The following ARAP2 variants were observed in gnomAD, a reference collection of about 807,000 sequenced individuals.
ARAP2 encodes arf-GAP with Rho-GAP domain, ANK repeat and PH domain-containing protein 2.
A neutral mutation model predicts 194.5 loss-of-function variants in ARAP2; 148 were observed. The observed-to-expected ratio is 0.76, with a 90% CI of 0.67 to 0.87. The LOEUF (loss-of-function observed/expected upper bound fraction) is 0.87. Ranked by LOEUF, ARAP2 falls within the 40% of genes least tolerant of loss-of-function variation. ARAP2 has a pLI of 0.00. For synonymous variants in ARAP2, 695 were observed against 683.5 expected, an observed-to-expected ratio of 1.02 and a Z score of -0.26; for missense variants, 2,128 against 1,989.7, an observed-to-expected ratio of 1.07 and a Z score of -1.32.
chr4:36,103,088 T>G (rs1000562433), intron 27 of ARAP2, among the ~76,000 whole-genome samples: 6 of 151,816 alleles, frequency 4.0e-5, no homozygotes, highest in Non-Finnish European at 8.8e-5. Context: ...TGTCTTTTTT[T>G]TTAAGTTCAT....
At position 36,229,209 on chromosome 4, in the gene ARAP2, T is replaced by C; in HGVS notation, c.278A>G (p.Tyr93Cys). ...ATTCTGATCAGAAGATGGAACATGG[T>C]AATCCTTTGAAGGGTCATCATTCTT... ...TKKNDDPSKDYHVPSSDQNIC... is the reference protein window; with the variant it reads ...TKKNDDPSKDCHVPSSDQNIC... Residue 93 changes from tyrosine to cysteine, a missense_variant, in exon 2 of 33, where the codon TAC becomes TGC. Tyr to Cys is a radical substitution (Grantham distance 194). Transcript: ENST00000303965. 1 of 1,614,156 alleles carries C rather than the reference T, an allele frequency of 6.2e-7. No homozygotes were observed. Among genetic ancestry groups the C allele is most frequent in the Non-Finnish European group, 8.5e-7 (1 of 1,180,006 alleles).
At chr4:36,037,890 C>T (rs1222477649) in intron 5 of ARAP2, among the ~76,000 whole-genome samples, 1 of 152,168 alleles carries the variant, frequency 6.6e-6, no homozygotes, top group African/African-American at 2.4e-5. Flanking sequence ...AATCTTATTT[C>T]TCTGGTTTCC....
intron 2 of ARAP2, among the ~76,000 whole-genome samples, chr4:36,053,321 T>TAA (rs1385017627): frequency 1.4e-5 from 2 of 144,538 alleles, no homozygotes; most frequent in African/African-American, 2.5e-5. Flanking sequence ...CAGTTTTTTA[T>TAA]AAAAAAAAAA....
intron 2 of ARAP2, among the ~76,000 whole-genome samples, chr4:36,227,313 A>G (rs192560253): frequency 6.6e-5 from 10 of 152,300 alleles, no homozygotes; most frequent in African/African-American, 2.2e-4. Context: ...TTAATAGATG[A>G]CACTAGTTGT....
intron 5 of ARAP2, among the ~76,000 whole-genome samples, chr4:36,044,866 C>T (rs1721539976): frequency 6.6e-6 from 1 of 150,722 alleles, no homozygotes; most frequent in Non-Finnish European, 1.5e-5. Context: ...AATAACCCTG[C>T]TAAAAAAAAA....
intron 15 of ARAP2, among the ~76,000 whole-genome samples, chr4:36,156,334 A>AGG (rs528316474): frequency 1.7e-4 from 8 of 46,396 alleles, no homozygotes; most frequent in East Asian, 1.9e-3. Flanking sequence ...GGAGGGAGGG[A>AGG]GGGAAAGAGA....
At chr4:36,233,633 C>T (rs1293081852) in intron 1 of ARAP2, among the ~76,000 whole-genome samples, 2 of 152,186 alleles carry the variant, frequency 1.3e-5, no homozygotes, top group Non-Finnish European at 2.9e-5. Flanking sequence ...AGGCCCGTGC[C>T]CATGTCAATG....
intron 27 of ARAP2, among the ~76,000 whole-genome samples, chr4:36,097,866 C>G (rs1416571637): frequency 2.6e-5 from 4 of 151,992 alleles, no homozygotes. Context: ...ATTGAAAGGT[C>G]TTTAAAATTA....
chr4:36,116,798 G>A (rs768923989), intron 25 of ARAP2, among the ~76,000 whole-genome samples: 7 of 151,654 alleles, frequency 4.6e-5, no homozygotes, highest in East Asian at 1.9e-4. Flanking sequence ...CTAGGAAGGG[G>A]AGGAACAAGT....
At chr4:36,008,390 T>A (rs564147368) in intron 9 of ARAP2, among the ~76,000 whole-genome samples, 1 of 152,152 alleles carries the variant, frequency 6.6e-6, no homozygotes, top group East Asian at 1.9e-4. Context: ...TACAGCCACA[T>A]ACCTATAACC....
At position 36,094,810 on chromosome 4, in the gene ARAP2, T is replaced by C. The variant is rs181280757; in HGVS notation, c.4286-2790A>G. 3.4e-3 allele frequency among the ~76,000 whole-genome samples: 513 copies of C among 152,226 alleles called. 2 individuals are homozygous for C. Among genetic ancestry groups the C allele is most frequent in the Middle Eastern group, 0.014 (4 of 294 alleles). Reference sequence around the variant, plus strand: ...GCTCAGAACCACACTTTAGGTAAATTAATCACAATTAATATAATTTTATAG... The same window carrying C: ...GCTCAGAACCACACTTTAGGTAAATCAATCACAATTAATATAATTTTATAG... On this transcript the variant is annotated intron_variant, in intron 27 of 32. Transcript: ENST00000303965.
intron 20 of ARAP2, among the ~76,000 whole-genome samples, chr4:36,132,724 C>A (rs538265416): frequency 6.6e-6 from 1 of 151,828 alleles, no homozygotes; most frequent in South Asian, 2.1e-4. Context: ...TGAAAATGAG[C>A]ACAAATTGTG....
intron 27 of ARAP2, among the ~76,000 whole-genome samples, chr4:36,104,091 G>A (rs1717736936): frequency 6.6e-6 from 1 of 151,912 alleles, no homozygotes; most frequent in African/African-American, 2.4e-5. Context: ...CTAATGTGGG[G>A]GTGTAAGGTA....
intron 27 of ARAP2, among the ~76,000 whole-genome samples, chr4:36,099,427 A>C (rs1169489984): frequency 2.0e-5 from 3 of 152,114 alleles, no homozygotes; most frequent in Non-Finnish European, 1.5e-5. Context: ...TGACTACAAG[A>C]AATCCACAGA....
At chr4:36,057,514 G>C (rs1408537582) in intron 2 of ARAP2, among the ~76,000 whole-genome samples, 1 of 151,598 alleles carries the variant, frequency 6.6e-6, no homozygotes, top group East Asian at 1.9e-4. Flanking sequence ...TTTTAACAGT[G>C]TCTCACATAC....
chr4:36,100,444 G>C (rs1577880003), intron 27 of ARAP2, among the ~76,000 whole-genome samples: 1 of 151,826 alleles, frequency 6.6e-6, no homozygotes, highest in Non-Finnish European at 1.5e-5. Flanking sequence ...TGTACTCTAA[G>C]TGATGAAGGG....
intron 27 of ARAP2, among the ~76,000 whole-genome samples, chr4:36,105,541 G>C (rs1718162125): frequency 6.6e-6 from 1 of 151,916 alleles, no homozygotes; most frequent in Non-Finnish European, 1.5e-5. Context: ...TGGGATAGGT[G>C]GAACATCACG....
intron 2 of ARAP2, among the ~76,000 whole-genome samples, chr4:36,221,147 G>A (rs568355611): frequency 2.6e-5 from 4 of 152,102 alleles, no homozygotes; most frequent in African/African-American, 9.6e-5. Flanking sequence ...GTAATATGCT[G>A]TACAGGTTTG....
intron 5 of ARAP2, among the ~76,000 whole-genome samples, chr4:36,022,596 C>T (rs1424065210): frequency 1.3e-5 from 2 of 152,130 alleles, no homozygotes; most frequent in African/African-American, 4.8e-5. Flanking sequence ...ATTGACTACA[C>T]ATCACAAAAC....
Sources: gnomAD v4.1 joint callset for allele counts (sites outside exome capture counted in the v4.1 genomes callset) on GRCh38, gnomAD v4.1.1 for gene constraint, MANE v1.5 for transcripts, NCBI Gene and HGNC (gene_info 2026-07-23, HGNC 2026-07-21) for gene names.